The following ASH2L variants were observed in gnomAD, a reference collection of about 807,000 sequenced individuals.
ASH2L encodes set1/Ash2 histone methyltransferase complex subunit ASH2.
Under a neutral mutation model 81.1 loss-of-function variants are expected in ASH2L, and 30 were observed. That is an observed-to-expected ratio of 0.37 (90% CI 0.28 to 0.50). ASH2L has a LOEUF of 0.50. Among genes scored for constraint, ASH2L ranks in the 20% least tolerant of loss-of-function variants. The pLI is 0.95. For synonymous variants in ASH2L, 273 were observed against 279.9 expected (o/e 0.98, Z 0.24); for missense variants, 559 against 792.1 (o/e 0.71, Z 3.53).
At chr8:38,120,125 A>G (rs575597873) in intron 9 of ASH2L, among the ~76,000 whole-genome samples, 89 of 152,370 alleles carry the variant, frequency 5.8e-4, no homozygotes, top group East Asian at 1.9e-4. Context: ...AACTGTCTCA[A>G]AAAAACAAAA....
intron 4 of ASH2L, 45 bp from the exon 5 acceptor site, chr8:38,110,694 A>G (rs1348907937): frequency 6.9e-7 from 1 of 1,454,234 alleles, no homozygotes; most frequent in East Asian, 2.3e-5. Flanking sequence ...GGTAGTAGAG[A>G]TGTAGTACTA....
At position 38,110,482 on chromosome 8, in the gene ASH2L, T is replaced by A; in HGVS notation, c.490+15T>A. 1 of 1,600,476 alleles carries A rather than the reference T, an allele frequency of 6.2e-7. No individual in the cohort carries two copies. The highest frequency in any genetic ancestry group is 1.3e-5 in the African/African-American group (1 of 74,756). ...GAAGCAAGCAAGTAAGAACAAACTC[T>A]GGAGTATTTGAAGATGATTATCCAC... is the stretch of plus-strand genomic sequence containing the variant. On this transcript the variant is annotated intron_variant, in intron 4 of 15. Coordinates refer to ENST00000343823, the MANE Select transcript of ASH2L (RefSeq NM_004674.5).
rs767317119 is a variant in ASH2L, at chr8:38,107,049, T to C, written c.284T>C (p.Met95Thr). The change falls in exon 3 of 16, where the codon ATG becomes ACG. Residue 95 changes from methionine to threonine, a missense_variant. Transcript: ENST00000343823. ...GGTGCTGGGGATACATCAGAGGTGA[T>C]GGATACTCAGGCGGGCTCCGTGGAT... ...LEGAGDTSEV[M>T]DTQAGSVDEE... is the part of the protein sequence containing the mutation. 3.7e-6 allele frequency: 6 copies of C among 1,613,932 alleles called. No homozygotes were observed. In the African/African-American group the frequency reaches 6.7e-5, roughly 18 times the overall value.
intron 14 of ASH2L, chr8:38,138,155 C>T (rs1177612761): frequency 6.6e-6 from 1 of 152,186 alleles, no homozygotes; most frequent in African/African-American, 2.4e-5. Context: ...TGGTACATGC[C>T]TGCAGTCCCA....
chr8:38,105,746 G>A lies in ASH2L; in HGVS notation c.188+8G>A, dbSNP rs750126010. On this transcript the variant is annotated splice_region_variant and intron_variant, in intron 1 of 15. Transcript: ENST00000343823. ...CGGGGAGGCTGAAGGCGGGTAAGAGGTCCTGCCGCCCGAGGAAGACGCGGG... is the reference window on the plus strand; with the variant it reads ...CGGGGAGGCTGAAGGCGGGTAAGAGATCCTGCCGCCCGAGGAAGACGCGGG... 8 of 1,510,134 alleles carry A rather than the reference G, an allele frequency of 5.3e-6. No homozygotes were observed. The Admixed American group carries it at 7.0e-5, about 13-fold the overall frequency. The allele number at this position is 1,510,134 out of a possible 1,614,324, so 93.5% of individuals were successfully genotyped here. A position where few individuals can be genotyped will look rare whatever the true frequency, so the allele number is the denominator to read the frequency against.
At chr8:38,121,191 T>G in intron 10 of ASH2L, 42 bp downstream of exon 10, 1 of 1,555,556 alleles carries the variant, frequency 6.4e-7, no homozygotes, top group Non-Finnish European at 8.9e-7. Flanking sequence ...AGGGTTACTT[T>G]GAACTGCCAT....
chr8:38,133,803 A>C (rs1191401474), intron 13 of ASH2L, among the ~76,000 whole-genome samples: 1 of 151,990 alleles, frequency 6.6e-6, no homozygotes, highest in Non-Finnish European at 1.5e-5. Flanking sequence ...AGTGGCCTGC[A>C]CCACCCCATC....
intron 13 of ASH2L, among the ~76,000 whole-genome samples, chr8:38,134,618 A>C (rs931795833): frequency 6.6e-6 from 1 of 152,210 alleles, no homozygotes; most frequent in Non-Finnish European, 1.5e-5. Flanking sequence ...AAAAATAAAA[A>C]GGGAAGTGGG....
intron 14 of ASH2L, among the ~76,000 whole-genome samples, chr8:38,136,087 T>C (rs1178022292): frequency 6.6e-6 from 1 of 151,690 alleles, no homozygotes; most frequent in Admixed American, 6.6e-5. Context: ...TTATTAGTCA[T>C]TGTTGCTTAC....
At chr8:38,107,293 T>G (rs1810478918) in intron 3 of ASH2L, 127 bp downstream of exon 3, 9 of 1,205,342 alleles carry the variant, frequency 7.5e-6, no homozygotes, top group Non-Finnish European at 9.5e-6. Flanking sequence ...ATTCAGCAAG[T>G]AGGATGTTGA....
intron 13 of ASH2L, among the ~76,000 whole-genome samples, chr8:38,134,706 TAGA>T (rs1478332354): frequency 4.6e-5 from 7 of 151,746 alleles, no homozygotes; most frequent in African/African-American, 1.7e-4. Context: ...AGGACACTAA[TAGA>T]AGGAGATGGA....
At chr8:38,136,783 A>G (rs891585835) in intron 14 of ASH2L, among the ~76,000 whole-genome samples, 54 of 151,326 alleles carry the variant, frequency 3.6e-4, no homozygotes, top group African/African-American at 1.2e-3. Context: ...AAAAAAAAAA[A>G]AAAGAAAGAA....
intron 7 of ASH2L, among the ~76,000 whole-genome samples, chr8:38,115,953 A>T (rs963998987): frequency 6.6e-6 from 1 of 151,944 alleles, no homozygotes; most frequent in Non-Finnish European, 1.5e-5. Flanking sequence ...CAGACTGTGC[A>T]TGGTGGCTCA....
At chr8:38,138,558 G>A in intron 14 of ASH2L, 1 of 406,784 alleles carries the variant, frequency 2.5e-6, no homozygotes, top group South Asian at 4.2e-5. Context: ...TTTTCCTTTT[G>A]ACAGAGCAAA....
intron 5 of ASH2L, among the ~76,000 whole-genome samples, chr8:38,112,872 C>T (rs1399364401): frequency 6.6e-6 from 1 of 152,022 alleles, no homozygotes; most frequent in East Asian, 1.9e-4. Flanking sequence ...TGCAAGTCTT[C>T]TGTAAATAAC....
At chr8:38,138,542 T>A (rs1802360180) in intron 14 of ASH2L, 1 of 375,346 alleles carries the variant, frequency 2.7e-6, no homozygotes, top group African/African-American at 2.1e-5. Flanking sequence ...AGCTTTCAGC[T>A]TAATTTTTTC....
chr8:38,108,273 GA>G (rs1349958936), intron 3 of ASH2L, among the ~76,000 whole-genome samples: 2 of 152,244 alleles, frequency 1.3e-5, no homozygotes, highest in Non-Finnish European at 1.5e-5. Context: ...CATCTGCTGG[GA>G]AAACACACTA....
chr8:38,110,859 A>G (rs1463300986), intron 5 of ASH2L, 26 bp downstream of exon 5: 1 of 1,585,400 alleles, frequency 6.3e-7, no homozygotes, highest in Non-Finnish European at 8.6e-7. Context: ...ATGTGATTGC[A>G]GTTATATTGA....
chr8:38,136,102 A>ATTTTT (rs772313591), intron 14 of ASH2L, among the ~76,000 whole-genome samples: 9 of 97,862 alleles, frequency 9.2e-5, no homozygotes, highest in African/African-American at 1.6e-4. Flanking sequence ...GCTTACAATG[A>ATTTTT]TTTTTTTTTT....
Sources: gnomAD v4.1 joint callset for allele counts (sites outside exome capture counted in the v4.1 genomes callset) on GRCh38, gnomAD v4.1.1 for gene constraint, MANE v1.5 for transcripts, NCBI Gene and HGNC (gene_info 2026-07-23, HGNC 2026-07-21) for gene names.